The following TRPC4 variants were observed in gnomAD, a reference collection of about 807,000 sequenced individuals.
TRPC4 encodes transient receptor potential cation channel subfamily C member 4.
In TRPC4, 49 loss-of-function variants were observed where a neutral mutation model predicts 99.4. The ratio of observed to expected loss-of-function variants is 0.49; its 90% CI spans 0.39 to 0.63. The LOEUF (loss-of-function observed/expected upper bound fraction) is 0.63, where lower values mean the gene tolerates loss of function less well. TRPC4 is among the 20% of genes least tolerant of loss of function. The probability of loss-of-function intolerance (pLI) is 0.00; values close to 1 mark genes in which losing one functional copy is unlikely to be tolerated. For synonymous variants in TRPC4, 454 were observed against 425.9 expected (o/e 1.07, Z -0.81); for missense variants, 898 against 1,152.9 (o/e 0.78, Z 3.20).
intron 1 of TRPC4, among the ~76,000 whole-genome samples, chr13:37,799,836 A>G (rs906934842): frequency 2.6e-5 from 4 of 152,206 alleles, no homozygotes; most frequent in Admixed American, 6.5e-5. Context: ...CATTCCTAGC[A>G]TCAAAACTGA....
chr13:37,649,877 G>A (rs1951984153), intron 8 of TRPC4, among the ~76,000 whole-genome samples: 1 of 151,648 alleles, frequency 6.6e-6, no homozygotes, highest in South Asian at 2.1e-4. Context: ...TCATAAATTA[G>A]TATGAGGATG....
chr13:37,837,905 T>C (rs1258307888), intron 1 of TRPC4, among the ~76,000 whole-genome samples: 1 of 152,110 alleles, frequency 6.6e-6, no homozygotes, highest in Admixed American at 6.6e-5. Flanking sequence ...AATTGAATCA[T>C]GGGGGCAAAT....
intron 1 of TRPC4, among the ~76,000 whole-genome samples, chr13:37,799,472 C>G (rs1397059712): frequency 2.0e-5 from 3 of 152,068 alleles, no homozygotes; most frequent in Non-Finnish European, 4.4e-5. Flanking sequence ...TTGTAGTCAG[C>G]AAAAACTTAT....
intron 3 of TRPC4, among the ~76,000 whole-genome samples, chr13:37,696,916 CTT>C (rs5802894): frequency 1.4e-5 from 2 of 140,994 alleles, no homozygotes; most frequent in Non-Finnish European, 1.5e-5. Context: ...GCTGAAACAT[CTT>C]TTTTTTTTTT....
chr13:37,721,993 A>T (rs1171091107), intron 3 of TRPC4, among the ~76,000 whole-genome samples: 3 of 152,154 alleles, frequency 2.0e-5, no homozygotes, highest in African/African-American at 7.2e-5. Context: ...AATTACCATT[A>T]TTAGCATTTA....
At chr13:37,687,282 T>G (rs1953516011) in intron 4 of TRPC4, among the ~76,000 whole-genome samples, 1 of 152,198 alleles carries the variant, frequency 6.6e-6, no homozygotes, top group Non-Finnish European at 1.5e-5. Flanking sequence ...ACTTCTTTCA[T>G]GAAAAGTGTT....
chr13:37,843,025 A>C (rs899689857), intron 1 of TRPC4, among the ~76,000 whole-genome samples: 13 of 152,246 alleles, frequency 8.5e-5, no homozygotes, highest in African/African-American at 3.1e-4. Flanking sequence ...CTCAGTGATT[A>C]ATATGAGTAC....
In TRPC4 at chr13:37,859,081, A is replaced by G. The variant is rs183137388; in HGVS notation, c.-28+10514T>C. ...CACCTACTATGTACACAAAAAATTAAAAATAAAAAATATACAAAATGAATA... is the reference window on the plus strand; with the variant it reads ...CACCTACTATGTACACAAAAAATTAGAAATAAAAAATATACAAAATGAATA... On this transcript the variant is annotated intron_variant, in intron 1 of 10. Coordinates refer to ENST00000379705, the MANE Select transcript of TRPC4 (RefSeq NM_016179.4). Among the ~76,000 whole-genome samples, 1,021 of 151,668 alleles carry G rather than the reference A, an allele frequency of 6.7e-3. 10 individuals are homozygous for G. The highest frequency in any genetic ancestry group is 0.023 in the African/African-American group (975 of 41,522).
chr13:37,644,308 A>G (rs1002562742), intron 8 of TRPC4, among the ~76,000 whole-genome samples: 32 of 152,292 alleles, frequency 2.1e-4, no homozygotes, highest in African/African-American at 6.7e-4. Flanking sequence ...GGAGAAATGA[A>G]CAATTTGTGA....
chr13:37,670,192 T>C (rs1320350867), intron 5 of TRPC4, among the ~76,000 whole-genome samples: 1 of 152,154 alleles, frequency 6.6e-6, no homozygotes. Flanking sequence ...TAAATTTCTG[T>C]TGTTTAAGCC....
intron 2 of TRPC4, among the ~76,000 whole-genome samples, chr13:37,750,649 TA>T (rs961167246): frequency 2.0e-5 from 3 of 152,112 alleles, no homozygotes; most frequent in Non-Finnish European, 4.4e-5. Context: ...TGGCAATTTT[TA>T]AAAAAATTAT....
At chr13:37,822,558 A>T (rs1253778363) in intron 1 of TRPC4, among the ~76,000 whole-genome samples, 2 of 151,414 alleles carry the variant, frequency 1.3e-5, no homozygotes, top group Admixed American at 6.6e-5. Flanking sequence ...ACTAAGAATG[A>T]TGATTTCCAA....
chr13:37,809,459 G>A (rs1396319088), intron 1 of TRPC4, among the ~76,000 whole-genome samples: 2 of 95,030 alleles, frequency 2.1e-5, no homozygotes, highest in Non-Finnish European at 4.5e-5. Context: ...AAAGTCCCCG[G>A]GTTTTGTGTT....
intron 1 of TRPC4, among the ~76,000 whole-genome samples, chr13:37,794,821 G>A (rs934784310): frequency 6.6e-6 from 1 of 152,104 alleles, no homozygotes; most frequent in East Asian, 1.9e-4. Flanking sequence ...CTCATAGACT[G>A]GGTGTCCCAT....
chr13:37,832,294 C>G (rs927758335), intron 1 of TRPC4, among the ~76,000 whole-genome samples: 2 of 152,166 alleles, frequency 1.3e-5, no homozygotes, highest in African/African-American at 4.8e-5. Context: ...GTAATCCCAG[C>G]ACTTTGGGAG....
chr13:37,822,801 G>A (rs951634831), intron 1 of TRPC4, among the ~76,000 whole-genome samples: 15 of 152,148 alleles, frequency 9.9e-5, no homozygotes, highest in African/African-American at 3.6e-4. Context: ...TGGGATGGCT[G>A]GGTCAAATGG....
chr13:37,736,933 G>A (rs151044592), intron 3 of TRPC4, among the ~76,000 whole-genome samples: 6 of 139,996 alleles, frequency 4.3e-5, no homozygotes, highest in African/African-American at 1.6e-4. Flanking sequence ...AGGTTGCACC[G>A]TGTTGCCCAG....
At chr13:37,827,858 C>G (rs1422693793) in intron 1 of TRPC4, among the ~76,000 whole-genome samples, 1 of 152,206 alleles carries the variant, frequency 6.6e-6, no homozygotes. Flanking sequence ...ATGGCGGGTG[C>G]CCCTCCCCTA....
At chr13:37,770,576 A>G (rs1025581565) in intron 2 of TRPC4, among the ~76,000 whole-genome samples, 1 of 151,708 alleles carries the variant, frequency 6.6e-6, no homozygotes, top group African/African-American at 2.4e-5. Context: ...AATAAGCTAG[A>G]TCTATACTTT....
Sources: gnomAD v4.1 joint callset for allele counts (sites outside exome capture counted in the v4.1 genomes callset) on GRCh38, gnomAD v4.1.1 for gene constraint, MANE v1.5 for transcripts, NCBI Gene and HGNC (gene_info 2026-07-23, HGNC 2026-07-21) for gene names.